ATP2B1: variants seen among roughly 807,000 people sequenced by gnomAD.
ATP2B1 encodes the protein ATPase plasma membrane Ca2+ transporting 1.
ATP2B1 carries 14 observed loss-of-function variants against 124.2 expected under a neutral mutation model. The observed-to-expected ratio is 0.11, with a 90% CI of 0.07 to 0.18. The LOEUF (loss-of-function observed/expected upper bound fraction) is 0.18, where lower values mean the gene tolerates loss of function less well. Ranked by LOEUF, ATP2B1 falls within the 10% of genes least tolerant of loss-of-function variation. ATP2B1 has a pLI of 1.00. For missense variants in ATP2B1, 763 were observed against 1,466.1 expected (o/e 0.52, Z 7.83); for synonymous variants, 449 against 492.4 (o/e 0.91, Z 1.17).
chr12:89,643,198 ATATG>A (rs1454613789), intron 2 of ATP2B1, among the ~76,000 whole-genome samples: 1 of 150,696 alleles, frequency 6.6e-6, no homozygotes, highest in Admixed American at 6.7e-5. Flanking sequence ...ATATATGTAT[ATATG>A]TGTGTATATG....
At chr12:89,691,903 T>C (rs563766880) in intron 1 of ATP2B1, among the ~76,000 whole-genome samples, 1 of 152,260 alleles carries the variant, frequency 6.6e-6, no homozygotes, top group South Asian at 2.1e-4. Flanking sequence ...TAGACACAGA[T>C]TGCCTGTCAC....
At chr12:89,684,992 T>C (rs1263937448) in intron 1 of ATP2B1, among the ~76,000 whole-genome samples, 1 of 152,166 alleles carries the variant, frequency 6.6e-6, no homozygotes, top group African/African-American at 2.4e-5. Context: ...ACTCAAAAAG[T>C]TTGTTGAAAT....
intron 20 of ATP2B1, among the ~76,000 whole-genome samples, chr12:89,595,261 A>G (rs1361856199): frequency 3.3e-5 from 5 of 152,064 alleles, no homozygotes; most frequent in Admixed American, 6.6e-5. Flanking sequence ...AACAGGCTAG[A>G]TTTGGCCCAT....
chr12:89,620,349 C>T (rs972535596), intron 10 of ATP2B1, 109 bp from the exon 11 acceptor site: 2 of 1,297,780 alleles, frequency 1.5e-6, no homozygotes, highest in African/African-American at 3.0e-5. Context: ...AAGCAATTGT[C>T]TAATATCAAC....
intron 1 of ATP2B1, among the ~76,000 whole-genome samples, chr12:89,692,161 G>C (rs1440780080): frequency 6.6e-6 from 1 of 151,888 alleles, no homozygotes; most frequent in African/African-American, 2.4e-5. Flanking sequence ...AAGAGGTTAA[G>C]ATCATAGAAC....
intron 6 of ATP2B1, among the ~76,000 whole-genome samples, chr12:89,628,117 G>A (rs1056078716): frequency 2.0e-5 from 3 of 151,908 alleles, no homozygotes; most frequent in Admixed American, 6.6e-5. Flanking sequence ...AAACGACAAC[G>A]GGCAGTCGGG....
At chr12:89,609,791 A>G (rs1213527969) in intron 15 of ATP2B1, 146 bp downstream of exon 15, 15 of 645,660 alleles carry the variant, frequency 2.3e-5, no homozygotes, top group Admixed American at 2.2e-4. Context: ...AGACTTATAA[A>G]CCAATTTAAG....
intron 2 of ATP2B1, among the ~76,000 whole-genome samples, chr12:89,648,546 T>A (rs1416020136): frequency 2.0e-5 from 3 of 152,178 alleles, no homozygotes; most frequent in Non-Finnish European, 4.4e-5. Flanking sequence ...AGCAAAGGAA[T>A]GACCTGAAGT....
chr12:89,616,770 CT>C, intron 12 of ATP2B1, 31 bp downstream of exon 12: 1 of 1,582,470 alleles, frequency 6.3e-7, no homozygotes, highest in East Asian at 2.2e-5. Context: ...TTATGAGATT[CT>C]GCACATGCAG....
chr12:89,695,394 C>T (rs1427410167), intron 1 of ATP2B1, among the ~76,000 whole-genome samples: 1 of 151,872 alleles, frequency 6.6e-6, no homozygotes, highest in Non-Finnish European at 1.5e-5. Flanking sequence ...TACGGTCTAC[C>T]CTAGCAATCA....
intron 1 of ATP2B1, among the ~76,000 whole-genome samples, chr12:89,706,196 C>T (rs1892433678): frequency 6.6e-6 from 1 of 152,126 alleles, no homozygotes; most frequent in East Asian, 1.9e-4. Context: ...CTTTTTCTAA[C>T]ATGGTCTTTA....
intron 20 of ATP2B1, among the ~76,000 whole-genome samples, chr12:89,597,061 C>CTA (rs1215403027): frequency 6.6e-6 from 1 of 152,088 alleles, no homozygotes; most frequent in East Asian, 1.9e-4. Context: ...AAATTTCCAA[C>CTA]TACTTTTTTT....
chr12:89,635,364 T>C (rs542238782), intron 3 of ATP2B1, 113 bp from the exon 4 acceptor site: 11 of 1,200,892 alleles, frequency 9.2e-6, no homozygotes, highest in Middle Eastern at 3.9e-4. Flanking sequence ...ATTTTACTTA[T>C]AGCAATAAAT....
rs1009193618 is a variant in ATP2B1 at position 89,589,168 on chromosome 12, A to C, written c.*1816T>G. 3.9e-5 allele frequency: 6 copies of C among 152,700 alleles called. No individual in the cohort carries two copies. The highest frequency in any genetic ancestry group is 1.4e-4 in the African/African-American group (6 of 41,552). The allele number at this position is 152,700 out of a possible 1,614,324, so 9.5% of individuals were successfully genotyped here. A position where few individuals can be genotyped will look rare whatever the true frequency, so the allele number is the denominator to read the frequency against. The stretch of plus-strand genomic sequence containing the variant: ...ACTGCAAAGATTTGATGGTGAGAAA[A>C]AGATTTCCCCCACCCACCAAAAATA... On this transcript the variant is annotated 3_prime_UTR_variant, in exon 21 of 21. Transcript: ENST00000428670.
chr12:89,707,834 G>A (rs1327400435), intron 1 of ATP2B1, among the ~76,000 whole-genome samples: 2 of 152,180 alleles, frequency 1.3e-5, no homozygotes, highest in Admixed American at 6.5e-5. Flanking sequence ...TCTCCCGCAG[G>A]ATGGGATAAA....
chr12:89,704,600 T>C (rs1459354836), intron 1 of ATP2B1, among the ~76,000 whole-genome samples: 4 of 151,976 alleles, frequency 2.6e-5, no homozygotes, highest in African/African-American at 4.8e-5. Flanking sequence ...ACAAATCACT[T>C]TGCCTACCAG....
chr12:89,642,569 C>T (rs549324312), intron 2 of ATP2B1, among the ~76,000 whole-genome samples: 1 of 152,216 alleles, frequency 6.6e-6, no homozygotes, highest in African/African-American at 2.4e-5. Context: ...TAAGAATTTT[C>T]ACTTTCCCAA....
At chr12:89,687,867 T>C (rs1890141203) in intron 1 of ATP2B1, among the ~76,000 whole-genome samples, 1 of 152,090 alleles carries the variant, frequency 6.6e-6, no homozygotes, top group African/African-American at 2.4e-5. Flanking sequence ...AAGAATTCAC[T>C]GGACTGTGAA....
At chr12:89,680,322 A>C (rs1889176799) in intron 1 of ATP2B1, among the ~76,000 whole-genome samples, 1 of 152,308 alleles carries the variant, frequency 6.6e-6, no homozygotes, top group Non-Finnish European at 1.5e-5. Flanking sequence ...TTAACAACAG[A>C]AACAAAAATC....
Sources: gnomAD v4.1 joint callset for allele counts (sites outside exome capture counted in the v4.1 genomes callset) on GRCh38, gnomAD v4.1.1 for gene constraint, MANE v1.5 for transcripts, NCBI Gene and HGNC (gene_info 2026-07-23, HGNC 2026-07-21) for gene names.